The following TBC1D24 variants were observed in gnomAD, a reference collection of about 807,000 sequenced individuals.
The protein encoded by TBC1D24 is Infantile myoclonic epilepsy.
TBC1D24 carries 47 observed loss-of-function variants against 50.7 expected under a neutral mutation model. That is an observed-to-expected ratio of 0.93 (90% CI 0.73 to 1.18). The LOEUF (loss-of-function observed/expected upper bound fraction) is 1.18, where lower values mean the gene tolerates loss of function less well. TBC1D24 is among the 50% of genes most tolerant of loss of function. TBC1D24 has a pLI of 0.00. For synonymous variants in TBC1D24, 324 were observed against 335.2 expected, an observed-to-expected ratio of 0.97 and a Z score of 0.36; for missense variants, 688 against 766.5, an observed-to-expected ratio of 0.90 and a Z score of 1.21.
At position 2,501,870 on chromosome 16, in the gene TBC1D24, C is replaced by T. The variant is rs1348400739; in HGVS notation, c.*912C>T. The T allele has an allele frequency of 1.3e-5, 2 of 152,718 alleles. No homozygotes were observed. The highest frequency in any genetic ancestry group is 1.9e-4 in the East Asian group (1 of 5,192). The allele number at this position is 152,718 out of a possible 1,614,324, so 9.5% of individuals were successfully genotyped here. On this transcript the variant is annotated 3_prime_UTR_variant, in exon 8 of 8. Transcript: ENST00000646147. ...CTTCTCAGCTCCCCTCCCTTCCAGC[C>T]CAGGCCTCCTTGAGCTCCTGTAGCC... is the stretch of plus-strand genomic sequence containing the variant.
At chr16:2,480,723 G>C (rs932091035) in intron 1 of TBC1D24, 1 of 152,230 alleles carries the variant, frequency 6.6e-6, no homozygotes, top group African/African-American at 2.4e-5. Context: ...TCCCGGCAAG[G>C]GTCCTTCTAG....
In TBC1D24 at chr16:2,500,621, G is replaced by C. The variant is rs1287045019; in HGVS notation, c.1525+131G>C. On this transcript the variant is annotated intron_variant, in intron 7 of 7. Coordinates refer to ENST00000646147, the MANE Select transcript of TBC1D24 (RefSeq NM_001199107.2). The surrounding 1 kb of genome is among the most constrained non-coding windows in gnomAD (Gnocchi z 8.0). ...GTGTCAGGGTGGACCAGGCATGATG[G>C]GTGGGAGGGGGCTGGAAGGGAGAGA... The C allele has an allele frequency of 3.2e-5, 41 of 1,279,256 alleles. No individual in the cohort carries two copies. Among genetic ancestry groups the C allele is most frequent in the Non-Finnish European group, 4.3e-5 (40 of 936,736 alleles). 79.2% of individuals were successfully genotyped at this position (1,279,256 alleles called of 1,614,324 possible). A position where few individuals can be genotyped will look rare whatever the true frequency, so the allele number is the denominator to read the frequency against.
In TBC1D24 at chr16:2,500,503, A is replaced by C. The variant is rs751260694; in HGVS notation, c.1525+13A>C. The C allele has an allele frequency of 8.4e-6, 13 of 1,549,726 alleles. No individual in the cohort carries two copies. In the Admixed American group the frequency reaches 2.5e-4, roughly 30 times the overall value. On this transcript the variant is annotated intron_variant, in intron 7 of 7. Transcript: ENST00000646147. This position sits in a 1 kb window ranked among gnomAD's most constrained non-coding sequence, Gnocchi z 8.0. ...TGCCTCATCGTCGGTGAGCGCCAGC[A>C]GACGGGGCTCTGGGATGAGGGTGTG...
At chr16:2,480,172 C>T (rs1375922559) in intron 1 of TBC1D24, 2 of 152,074 alleles carry the variant, frequency 1.3e-5, no homozygotes, top group African/African-American at 2.4e-5. Flanking sequence ...GCTCTGTTGT[C>T]CAGGCTGGAG....
intron 4 of TBC1D24, among the ~76,000 whole-genome samples, chr16:2,498,709 C>T (rs1002048005): frequency 3.3e-5 from 5 of 152,224 alleles, no homozygotes; most frequent in African/African-American, 1.2e-4. Flanking sequence ...TGGCTGTGCT[C>T]GCTCCCCACC....
chr16:2,505,602 A>T lies in TBC1D24; in HGVS notation c.*4644A>T, dbSNP rs950308274. 10 of 152,264 alleles carry T rather than the reference A, an allele frequency of 6.6e-5. No homozygotes were observed. The highest frequency in any genetic ancestry group is 2.4e-4 in the African/African-American group (10 of 41,466). The allele number at this position is 152,264 out of a possible 1,614,324, so 9.4% of individuals were successfully genotyped here. On this transcript the variant is annotated 3_prime_UTR_variant, in exon 8 of 8. Coordinates refer to ENST00000646147, the MANE Select transcript of TBC1D24 (RefSeq NM_001199107.2). ...GCCTCTCAATGAATGTAATAAAAAA[A>T]ATGTGTAGTGAGCACAAATGTATGG... is the stretch of plus-strand genomic sequence containing the variant.
chr16:2,482,512 T>C lies in TBC1D24; in HGVS notation c.-116+7342T>C, dbSNP rs768831624. Among the ~76,000 whole-genome samples, 1 of 152,144 alleles carries C rather than the reference T, an allele frequency of 6.6e-6. No homozygotes were observed. The highest frequency in any genetic ancestry group is 1.5e-5 in the Non-Finnish European group (1 of 68,020). On this transcript the variant is annotated intron_variant, in intron 1 of 7. Transcript: ENST00000646147. This position sits in a 1 kb window ranked among gnomAD's most constrained non-coding sequence, Gnocchi z 5.2. ...CCACAGTGTAGTGTGGGGACTGCAG[T>C]TGGCACTGTGTGGCCAGGGCTCCGG...
rs1034995201 is a variant in TBC1D24 at position 2,486,401 on chromosome 16, G to A, written c.-115-9633G>A. Among the ~76,000 whole-genome samples, 2 of 152,266 alleles carry A rather than the reference G, an allele frequency of 1.3e-5. No individual in the cohort carries two copies. Among genetic ancestry groups the A allele is most frequent in the African/African-American group, 2.4e-5 (1 of 41,476 alleles). ...AGAAGTGAGACGAGCGGCAGCTGACGCCCATGCCCTGTTCTGTGGCCCGTG... is the reference window on the plus strand; with the variant it reads ...AGAAGTGAGACGAGCGGCAGCTGACACCCATGCCCTGTTCTGTGGCCCGTG... On this transcript the variant is annotated intron_variant, in intron 1 of 7. Coordinates refer to ENST00000646147, the MANE Select transcript of TBC1D24 (RefSeq NM_001199107.2). This position sits in a 1 kb window ranked among gnomAD's most constrained non-coding sequence, Gnocchi z 5.8.
intron 2 of TBC1D24, 70 bp downstream of exon 2, chr16:2,497,183 G>C: frequency 6.3e-7 from 1 of 1,589,006 alleles, no homozygotes; most frequent in Middle Eastern, 1.9e-4. Flanking sequence ...TCTGGCGTGA[G>C]CTCATCCTGC....
chr16:2,479,512 G>C (rs2065594056), intron 1 of TBC1D24: 1 of 152,306 alleles, frequency 6.6e-6, no homozygotes, highest in Non-Finnish European at 1.5e-5. Flanking sequence ...TACAACTTTG[G>C]AAAAAGTCTG....
intron 1 of TBC1D24, chr16:2,476,811 A>G (rs1344630006): frequency 1.3e-5 from 2 of 152,252 alleles, no homozygotes; most frequent in Non-Finnish European, 1.5e-5. Flanking sequence ...CAAGGTTTTC[A>G]TAACAACAAT....
chr16:2,489,912 C>T (rs2065682189), intron 1 of TBC1D24, among the ~76,000 whole-genome samples: 1 of 152,250 alleles, frequency 6.6e-6, no homozygotes, highest in African/African-American at 2.4e-5. Context: ...CAGTTTCCCA[C>T]TGCGCTTGGA....
chr16:2,496,475 C>A lies in TBC1D24; in HGVS notation c.327C>A (p.Arg109=), dbSNP rs754551693. The part of the protein sequence containing the change: ...TQVPSYCLNA[R]GEGAVRKILL... Reference sequence around the variant, plus strand: ...TGCCCAGCTACTGCCTGAATGCACGCGGCGAGGGGGCCGTGCGCAAGATCC... The same window carrying A: ...TGCCCAGCTACTGCCTGAATGCACGAGGCGAGGGGGCCGTGCGCAAGATCC... Residue 109 remains arginine (R), a synonymous_variant, in exon 2 of 8, where the codon CGC becomes CGA. Transcript: ENST00000646147. 9.9e-6 allele frequency: 16 copies of A among 1,611,002 alleles called. No homozygotes were observed. The highest frequency in any genetic ancestry group is 1.7e-5 in the Admixed American group (1 of 60,000).
rs1424283069 is a variant in TBC1D24 at position 2,475,778 on chromosome 16, C to T, written c.-116+608C>T. On this transcript the variant is annotated intron_variant, in intron 1 of 7. Transcript: ENST00000646147. This position sits in a 1 kb window ranked among gnomAD's most constrained non-coding sequence, Gnocchi z 4.2. ...CCAGGGACTCCCAGCCCTGAGCCAG[C>T]ACAGCGGAGGGGAGAGCCGGCCCCA... Among the ~76,000 whole-genome samples the T allele has an allele frequency of 6.6e-6, 1 of 152,136 alleles. No homozygotes were observed. Among genetic ancestry groups the T allele is most frequent in the Non-Finnish European group, 1.5e-5 (1 of 68,018 alleles).
Position 2,500,725 on chromosome 16 carries a change from A to G in TBC1D24, c.1526-79A>G. ...TTCAGAGAGGCCCGTGCAGGGCAGG[A>G]CAGCTGGGACAGCAGGTGAGGTGCC... On this transcript the variant is annotated intron_variant, in intron 7 of 7. Coordinates refer to ENST00000646147, the MANE Select transcript of TBC1D24 (RefSeq NM_001199107.2). This position sits in a 1 kb window ranked among gnomAD's most constrained non-coding sequence, Gnocchi z 8.0. 1 of 1,521,238 alleles carries G rather than the reference A, an allele frequency of 6.6e-7. No homozygotes were observed. Among genetic ancestry groups the G allele is most frequent in the Non-Finnish European group, 8.8e-7 (1 of 1,135,478 alleles). The allele number at this position is 1,521,238 out of a possible 1,614,324, so 94.2% of individuals were successfully genotyped here.
In TBC1D24 at chr16:2,500,392, C is replaced by A. The variant is rs202216463; in HGVS notation, c.1427C>A (p.Ala476Asp). The A allele has an allele frequency of 5.1e-4, 814 of 1,604,640 alleles. 6 individuals carry two copies. In the African/African-American group the frequency reaches 0.01, roughly 20 times the overall value. ...PLSHSASSDP[A>D]DRLSPFLAAR... ...AGCCACTCCGCCTCCTCAGACCCCG[C>A]TGACCGCCTCTCGCCCTTCCTGGCC... Residue 476 changes from alanine (A) to aspartate (D), a missense_variant, in exon 7 of 8, where the codon GCT (alanine) becomes GAT (aspartate). Transcript: ENST00000646147. The surrounding 1 kb of genome is among the most constrained non-coding windows in gnomAD (Gnocchi z 8.0).
intron 2 of TBC1D24, 30 bp downstream of exon 2, chr16:2,497,143 A>G: frequency 6.3e-7 from 1 of 1,598,654 alleles, no homozygotes; most frequent in Non-Finnish European, 8.5e-7. Flanking sequence ...TGAGGGGTAC[A>G]CCCAGGGTCG....
Position 2,503,131 on chromosome 16 carries a change from C to T in TBC1D24, c.*2173C>T, listed in dbSNP as rs1485898212. 5 of 152,256 alleles carry T rather than the reference C, an allele frequency of 3.3e-5. No homozygotes were observed. The highest frequency in any genetic ancestry group is 1.2e-4 in the African/African-American group (5 of 41,470). The allele number at this position is 152,256 out of a possible 1,614,324, so 9.4% of individuals were successfully genotyped here. On this transcript the variant is annotated 3_prime_UTR_variant, in exon 8 of 8. Coordinates refer to ENST00000646147, the MANE Select transcript of TBC1D24 (RefSeq NM_001199107.2). The stretch of plus-strand genomic sequence containing the variant: ...GTCCAGCAGGTTCTGCGTGGCTGCC[C>T]CCAGGGGGCCCCACCCGGGCCTTCC...
chr16:2,500,998 G>A lies in TBC1D24; in HGVS notation c.*40G>A. 1.9e-6 allele frequency: 3 copies of A among 1,602,958 alleles called. No homozygotes were observed. Among genetic ancestry groups the A allele is most frequent in the Non-Finnish European group, 2.5e-6 (3 of 1,179,360 alleles). ...GTGACTGAGCCGTGGTGGGGCGGTG[G>A]GCCGAGGCTGGGCTGCCGCCTCGGG... is the stretch of plus-strand genomic sequence containing the variant. On this transcript the variant is annotated 3_prime_UTR_variant, in exon 8 of 8. Transcript: ENST00000646147. This position sits in a 1 kb window ranked among gnomAD's most constrained non-coding sequence, Gnocchi z 8.0.
Sources: allele counts gnomAD v4.1 joint callset (sites outside exome capture counted in the v4.1 genomes callset), GRCh38; gene constraint gnomAD v4.1.1; non-coding constraint Gnocchi (gnomAD v3.1); transcripts MANE v1.5; gene names NCBI Gene and HGNC (gene_info 2026-07-23, HGNC 2026-07-21).